NFIA: variants seen among roughly 807,000 people sequenced by gnomAD.
NFIA encodes nuclear factor I A.
NFIA carries 8 observed loss-of-function variants against 62.8 expected under a neutral mutation model. The ratio of observed to expected loss-of-function variants is 0.13; its 90% CI spans 0.07 to 0.23. The LOEUF (loss-of-function observed/expected upper bound fraction) is 0.23. Ranked by LOEUF, NFIA falls within the 10% of genes least tolerant of loss-of-function variation. NFIA has a pLI of 1.00. For synonymous variants in NFIA, 235 were observed against 238.1 expected (o/e 0.99, Z 0.12); for missense variants, 410 against 642.1 (o/e 0.64, Z 3.91).
At chr1:61,304,918 T>A (rs1045560051) in intron 3 of NFIA, among the ~76,000 whole-genome samples, 1 of 152,204 alleles carries the variant, frequency 6.6e-6, no homozygotes, top group Non-Finnish European at 1.5e-5. Context: ...ATAGTAATAG[T>A]GCTTGTCTCA....
At chr1:61,082,378 C>G (rs1490047236), upstream of NFIA, 19 of 662,358 alleles carry the variant, frequency 2.9e-5, no homozygotes, top group South Asian at 1.3e-4. Context: ...CCCCCTCCCC[C>G]CCGCGGCGGC....
At chr1:61,135,839 G>A (rs1354796441) in intron 2 of NFIA, among the ~76,000 whole-genome samples, 5 of 152,178 alleles carry the variant, frequency 3.3e-5, no homozygotes, top group South Asian at 2.1e-4. Flanking sequence ...AGACAGTTTC[G>A]TCTATGTGCC....
At chr1:61,091,340 ATC>A (rs1305096172) in intron 2 of NFIA, among the ~76,000 whole-genome samples, 6 of 149,974 alleles carry the variant, frequency 4.0e-5, no homozygotes, top group African/African-American at 1.5e-4. Context: ...TGCAGAATCA[ATC>A]TTTTTTTTTT....
At chr1:61,281,565 G>A (rs182717049) in intron 3 of NFIA, among the ~76,000 whole-genome samples, 11 of 152,230 alleles carry the variant, frequency 7.2e-5, no homozygotes, top group African/African-American at 2.6e-4. Context: ...ATGGTGCCAC[G>A]TCTGTTTTCC....
At chr1:61,111,977 C>G (rs1378784314) in intron 2 of NFIA, among the ~76,000 whole-genome samples, 2 of 151,846 alleles carry the variant, frequency 1.3e-5, no homozygotes, top group African/African-American at 4.8e-5. Context: ...GTGTAGATTC[C>G]CACACTTTTC....
intron 7 of NFIA, among the ~76,000 whole-genome samples, chr1:61,391,619 C>T (rs1427964751): frequency 6.6e-6 from 1 of 152,068 alleles, no homozygotes; most frequent in African/African-American, 2.4e-5. Context: ...ATTATTTGGT[C>T]CCCTATTTGT....
chr1:61,237,891 G>T (rs1318355881), intron 2 of NFIA, among the ~76,000 whole-genome samples: 1 of 152,176 alleles, frequency 6.6e-6, no homozygotes, highest in Non-Finnish European at 1.5e-5. Flanking sequence ...CTGTGAGTCA[G>T]AATGGAAGTG....
At chr1:61,404,039 A>G (rs745625403) in intron 7 of NFIA, 65 bp from the exon 8 acceptor site, 2 of 1,554,452 alleles carry the variant, frequency 1.3e-6, no homozygotes, top group African/African-American at 1.4e-5. Context: ...AGGAAGTTGA[A>G]TCGGGTTCAG....
intron 6 of NFIA, among the ~76,000 whole-genome samples, chr1:61,382,978 T>C (rs1373397043): frequency 6.6e-6 from 1 of 152,186 alleles, no homozygotes; most frequent in Non-Finnish European, 1.5e-5. Context: ...CCCTGTATTA[T>C]TATTGAAGAC....
chr1:61,083,822 CG>C (rs1310729046), intron 1 of NFIA, among the ~76,000 whole-genome samples: 1 of 151,898 alleles, frequency 6.6e-6, no homozygotes, highest in Non-Finnish European at 1.5e-5. Flanking sequence ...GCGCGCAGGA[CG>C]GGGGCAACTT....
intron 2 of NFIA, among the ~76,000 whole-genome samples, chr1:61,117,536 G>A (rs1328206817): frequency 1.3e-5 from 2 of 151,894 alleles, no homozygotes; most frequent in Non-Finnish European, 2.9e-5. Context: ...TCCTGGATAG[G>A]CACAGTTTTT....
chr1:61,326,173 A>G (rs552292152), intron 3 of NFIA, among the ~76,000 whole-genome samples: 5 of 152,232 alleles, frequency 3.3e-5, no homozygotes, highest in South Asian at 4.2e-4. Flanking sequence ...AGGGAGCTTT[A>G]TGGCCATGAT....
chr1:61,427,890 C>T (rs780305411), intron 10 of NFIA, among the ~76,000 whole-genome samples: 4 of 152,214 alleles, frequency 2.6e-5, no homozygotes, highest in African/African-American at 7.2e-5. Flanking sequence ...TTCTCCCATA[C>T]CTTCAAATAT....
At chr1:61,426,603 C>T in intron 10 of NFIA, 47 bp downstream of exon 10, 2 of 1,382,884 alleles carry the variant, frequency 1.4e-6, no homozygotes, top group Non-Finnish European at 2.0e-6. Context: ...TTGTATTATT[C>T]ATCAGGTGCA....
chr1:61,081,936 T>G (rs2100400434), upstream of NFIA: 1 of 1,550,168 alleles, frequency 6.5e-7, no homozygotes, highest in African/African-American at 1.4e-5. Context: ...TCAAAGAAAT[T>G]TGCATACATG....
intron 2 of NFIA, among the ~76,000 whole-genome samples, chr1:61,201,140 TTTG>T (rs1652457756): frequency 6.6e-6 from 1 of 152,326 alleles, no homozygotes; most frequent in African/African-American, 2.4e-5. Flanking sequence ...ATTTGGCTTT[TTTG>T]TTGTTGTTAC....
intron 8 of NFIA, among the ~76,000 whole-genome samples, chr1:61,405,998 A>G (rs113223072): frequency 0.012 from 1,852 of 152,278 alleles, 21 homozygotes; most frequent in African/African-American, 0.037. Flanking sequence ...AAAATTTTCT[A>G]TGTTCACTTA....
At chr1:61,426,391 CTGTG>C (rs1350737683) in intron 9 of NFIA, 70 bp from the exon 10 acceptor site, 1 of 988,720 alleles carries the variant, frequency 1.0e-6, no homozygotes, top group East Asian at 2.6e-5. Context: ...GGCTCGGAGA[CTGTG>C]TGTTTTGGTG....
At chr1:61,177,989 G>A (rs80060307) in intron 2 of NFIA, among the ~76,000 whole-genome samples, 39 of 152,190 alleles carry the variant, frequency 2.6e-4, no homozygotes, top group Admixed American at 1.6e-3. Flanking sequence ...CCCTTCGAGC[G>A]CATGAATTGG....
Sources: allele counts gnomAD v4.1 joint callset (sites outside exome capture counted in the v4.1 genomes callset), GRCh38; gene constraint gnomAD v4.1.1; transcripts MANE v1.5; gene names NCBI Gene and HGNC (gene_info 2026-07-23, HGNC 2026-07-21).